Variants in ADRA1D observed in about 807,000 individuals in gnomAD.
ADRA1D encodes adrenoceptor alpha 1D.
Under a neutral mutation model 18.6 loss-of-function variants are expected in ADRA1D, and 22 were observed. That is an observed-to-expected ratio of 1.19 (90% CI 0.85 to 1.69). The LOEUF is 1.69. ADRA1D is among the 40% of genes most tolerant of loss of function. ADRA1D has a pLI of 0.00. For synonymous variants in ADRA1D, 376 were observed against 388.2 expected, an observed-to-expected ratio of 0.97 and a Z score of 0.37; for missense variants, 840 against 840.7, an observed-to-expected ratio of 1.00 and a Z score of 0.01.
At chr20:4,225,518 C>T (rs1032982606) in intron 1 of ADRA1D, among the ~76,000 whole-genome samples, 6 of 150,172 alleles carry the variant, frequency 4.0e-5, no homozygotes, top group Non-Finnish European at 7.4e-5. Context: ...ACCTCCACCT[C>T]CTGGGCTCAA....
At chr20:4,233,920 T>C (rs1308886401) in intron 1 of ADRA1D, among the ~76,000 whole-genome samples, 1 of 152,234 alleles carries the variant, frequency 6.6e-6, no homozygotes, top group Non-Finnish European at 1.5e-5. Flanking sequence ...TTCTCCCATG[T>C]GCTGAGTCGC....
chr20:4,248,588 T>G lies in ADRA1D; in HGVS notation c.370A>C (p.Asn124His), dbSNP rs201013283. The change falls in exon 1 of 2, where the codon AAC becomes CAC. Residue 124 changes from asparagine (N) to histidine (H), a missense_variant. Physicochemically the swap from Asn to His is moderately conservative, Grantham distance 68. Transcript: ENST00000379453. Reference sequence around the variant, plus strand: ...TTGGTGACGGTCTGCAGGTGGCGGTTGCAGGCCACTGAGAGGATGACAAGC... The same window carrying G: ...TTGGTGACGGTCTGCAGGTGGCGGTGGCAGGCCACTGAGAGGATGACAAGC... ...NLLVILSVAC[N>H]RHLQTVTNYF... The G allele has an allele frequency of 2.7e-4, 439 of 1,613,488 alleles. No homozygotes were observed. The highest frequency in any genetic ancestry group is 3.6e-4 in the Non-Finnish European group (429 of 1,179,944).
chr20:4,227,704 C>CTCCTTCCCTTCCTTCCT (rs1555820748), intron 1 of ADRA1D, among the ~76,000 whole-genome samples: 36 of 92,616 alleles, frequency 3.9e-4, no homozygotes, highest in Middle Eastern at 4.9e-3. Flanking sequence ...CCCTCCCTCC[C>CTCCTTCCCTTCCTTCCT]TCCTTCCTTC....
intron 1 of ADRA1D, among the ~76,000 whole-genome samples, chr20:4,226,014 TA>T (rs1196678851): frequency 2.0e-5 from 3 of 152,202 alleles, no homozygotes; most frequent in Non-Finnish European, 4.4e-5. Flanking sequence ...GTGCTGAAAA[TA>T]GCCTTCTGAC....
At chr20:4,228,205 T>C (rs1980867512) in intron 1 of ADRA1D, among the ~76,000 whole-genome samples, 2 of 152,102 alleles carry the variant, frequency 1.3e-5, no homozygotes, top group Admixed American at 6.5e-5. Context: ...CTTCTGGATG[T>C]AGGGAGACTC....
chr20:4,241,397 A>T (rs1171247372), intron 1 of ADRA1D, among the ~76,000 whole-genome samples: 1 of 152,224 alleles, frequency 6.6e-6, no homozygotes, highest in Non-Finnish European at 1.5e-5. Context: ...TTTACACTTA[A>T]AAGTGTGTTA....
At chr20:4,234,012 T>G (rs73587558) in intron 1 of ADRA1D, among the ~76,000 whole-genome samples, 2,012 of 152,276 alleles carry the variant, frequency 0.013, 45 homozygotes, top group African/African-American at 0.046. Flanking sequence ...AACCTAACGT[T>G]TGGGGGACTG....
rs1298498413 is a variant in ADRA1D at position 4,248,268 on chromosome 20, C to A, written c.690G>T (p.Gly230=). 1 of 1,608,658 alleles carries A rather than the reference C, an allele frequency of 6.2e-7. No homozygotes were observed. Among genetic ancestry groups the A allele is most frequent in the Non-Finnish European group, 8.5e-7 (1 of 1,177,888 alleles). The change falls in exon 1 of 2, where the codon GGG becomes GGT. Residue 230 remains glycine, a synonymous_variant. Transcript: ENST00000379453. ...LWVVALVVSV[G]PLLGWKEPVP... is the part of the protein sequence containing the mutation. ...CGGGCTCCTTCCAGCCCAGCAGGGG[C>A]CCTACGGACACCACCAGGGCTACGA...
chr20:4,223,256 C>T (rs1980717118), intron 1 of ADRA1D, among the ~76,000 whole-genome samples: 1 of 152,218 alleles, frequency 6.6e-6, no homozygotes. Context: ...GAAGCATATT[C>T]ATTAGCAAGT....
Position 4,221,438 on chromosome 20 carries a change from AC to A in ADRA1D, c.*84del. 1 of 1,442,760 alleles carries A rather than the reference AC, an allele frequency of 6.9e-7. No homozygotes were observed. Among genetic ancestry groups the A allele is most frequent in the Non-Finnish European group, 9.4e-7 (1 of 1,064,930 alleles). 89.4% of individuals were successfully genotyped at this position (1,442,760 alleles called of 1,614,324 possible). A position where few individuals can be genotyped will look rare whatever the true frequency, so the allele number is the denominator to read the frequency against. ...ATCAGTTTCCGGGTCTCCGATTTGC[AC>A]GGGGGCTCTTAGAACACCAGCCCGC... On this transcript the variant is annotated 3_prime_UTR_variant, in exon 2 of 2. Transcript: ENST00000379453.
At chr20:4,241,953 A>C (rs1235726190) in intron 1 of ADRA1D, among the ~76,000 whole-genome samples, 1 of 73,298 alleles carries the variant, frequency 1.4e-5, no homozygotes, top group African/African-American at 3.8e-5. Flanking sequence ...AGCACACAGC[A>C]CAGCCTGATG....
intron 1 of ADRA1D, among the ~76,000 whole-genome samples, chr20:4,225,538 T>G (rs1281043589): frequency 3.4e-5 from 5 of 147,192 alleles, no homozygotes; most frequent in Admixed American, 6.9e-5. Flanking sequence ...AGTGATCCCC[T>G]TGCCTCCTGA....
At chr20:4,241,002 A>G (rs73896005) in intron 1 of ADRA1D, among the ~76,000 whole-genome samples, 2,383 of 152,300 alleles carry the variant, frequency 0.016, 65 homozygotes, top group African/African-American at 0.053. Flanking sequence ...TTGCTTATTC[A>G]TAGTAATTAC....
chr20:4,226,788 A>T (rs1339946147), intron 1 of ADRA1D, among the ~76,000 whole-genome samples: 1 of 152,230 alleles, frequency 6.6e-6, no homozygotes, highest in Non-Finnish European at 1.5e-5. Flanking sequence ...CACTGCATGC[A>T]GACATGTTGC....
intron 1 of ADRA1D, among the ~76,000 whole-genome samples, chr20:4,227,367 TCTC>T (rs1307734808): frequency 1.3e-5 from 2 of 152,096 alleles, no homozygotes; most frequent in African/African-American, 4.8e-5. Flanking sequence ...GCTATTTTAC[TCTC>T]CTCCCACCCG....
intron 1 of ADRA1D, among the ~76,000 whole-genome samples, chr20:4,237,949 T>C (rs1981134449): frequency 2.0e-5 from 3 of 151,430 alleles, no homozygotes; most frequent in African/African-American, 7.3e-5. Flanking sequence ...GATATTCTTT[T>C]AAGAGTTAAG....
At position 4,248,983 on chromosome 20, in the gene ADRA1D, G is replaced by A; in HGVS notation, c.-26C>T. On this transcript the variant is annotated 5_prime_UTR_variant, in exon 1 of 2. Coordinates refer to ENST00000379453, the MANE Select transcript of ADRA1D (RefSeq NM_000678.4). ...CTCAACGCGCGGCCGTCGGTGGCCG[G>A]GCCGGGGCACAGAACGAGCGGCCGG... The A allele has an allele frequency of 7.6e-7, 1 of 1,318,186 alleles. No individual in the cohort carries two copies. The highest frequency in any genetic ancestry group is 9.8e-7 in the Non-Finnish European group (1 of 1,023,196). The allele number at this position is 1,318,186 out of a possible 1,614,324, so 81.7% of individuals were successfully genotyped here.
Position 4,248,649 on chromosome 20 carries a change from C to T in ADRA1D, c.309G>A (p.Leu103=), listed in dbSNP as rs960262238. ...CCACGGCCATAAGGATGAAGGCTGC[C>T]AGGAAGACGCCCACGCCCACGCCCT... ...SAQGVGVGVF[L]AAFILMAVAG... Residue 103 remains leucine (L), a synonymous_variant, in exon 1 of 2, where the codon CTG becomes CTA. Transcript: ENST00000379453. The T allele has an allele frequency of 1.9e-6, 3 of 1,610,950 alleles. No homozygotes were observed. In the African/African-American group the frequency reaches 4.0e-5, roughly 22 times the overall value.
intron 1 of ADRA1D, among the ~76,000 whole-genome samples, chr20:4,236,085 C>T (rs1471533392): frequency 6.6e-6 from 1 of 152,166 alleles, no homozygotes; most frequent in African/African-American, 2.4e-5. Flanking sequence ...AACATGGCTT[C>T]CAACTATGGC....
Sources: gnomAD v4.1 joint callset for allele counts (sites outside exome capture counted in the v4.1 genomes callset) on GRCh38, gnomAD v4.1.1 for gene constraint, MANE v1.5 for transcripts, NCBI Gene and HGNC (gene_info 2026-07-23, HGNC 2026-07-21) for gene names.